GATA4: variants seen among roughly 807,000 people sequenced by gnomAD.
The protein encoded by GATA4 is transcription factor GATA-4.
Under a neutral mutation model 37.9 loss-of-function variants are expected in GATA4, and 7 were observed. That is an observed-to-expected ratio of 0.18 (90% CI 0.11 to 0.35). The LOEUF (loss-of-function observed/expected upper bound fraction) is 0.35, where lower values mean the gene tolerates loss of function less well. Among genes scored for constraint, GATA4 ranks in the 10% least tolerant of loss-of-function variants. GATA4 has a pLI of 1.00. For synonymous variants in GATA4, 372 were observed against 292.6 expected (o/e 1.27, Z -2.77); for missense variants, 647 against 653.0 (o/e 0.99, Z 0.10).
At chr8:11,683,363 C>T (rs768764675) in intron 1 of GATA4, among the ~76,000 whole-genome samples, 2 of 152,172 alleles carry the variant, frequency 1.3e-5, no homozygotes, top group African/African-American at 2.4e-5. Flanking sequence ...TTGCTGATGC[C>T]GGTAAATAGT....
chr8:11,726,721 G>A (rs143664018), intron 2 of GATA4, among the ~76,000 whole-genome samples: 94 of 152,268 alleles, frequency 6.2e-4, no homozygotes, highest in Non-Finnish European at 1.1e-3. Context: ...GGGAGATGAG[G>A]AAGTGGATAG....
chr8:11,686,688 T>C (rs1460088747), intron 1 of GATA4, among the ~76,000 whole-genome samples: 1 of 152,190 alleles, frequency 6.6e-6, no homozygotes, highest in African/African-American at 2.4e-5. Context: ...ACACCCTTGT[T>C]GACTTAATTC....
At chr8:11,757,226 A>C in intron 6 of GATA4, 143 bp downstream of exon 6, 2 of 1,299,200 alleles carry the variant, frequency 1.5e-6, no homozygotes, top group Non-Finnish European at 2.1e-6. Flanking sequence ...AGGAAGACCC[A>C]GCCATTGAGC....
At chr8:11,752,101 T>C (rs1455356166) in intron 4 of GATA4, among the ~76,000 whole-genome samples, 5 of 152,172 alleles carry the variant, frequency 3.3e-5, no homozygotes, top group Non-Finnish European at 1.5e-5. Context: ...GAGAAGAAAC[T>C]TAAAAATAAT....
chr8:11,720,077 G>C (rs1800602401), intron 2 of GATA4, among the ~76,000 whole-genome samples: 1 of 151,778 alleles, frequency 6.6e-6, no homozygotes, highest in Non-Finnish European at 1.5e-5. Context: ...CATTGGTCTG[G>C]CGCGGAGAAA....
rs1241818040 is a variant in GATA4, at chr8:11,758,902, G to C, written c.*427G>C. ...ATCTGTTTGCCATGTACCTGGATGC[G>C]ACGGGCCCCTGGGGACAGGCCCTTG... On this transcript the variant is annotated 3_prime_UTR_variant, in exon 7 of 7. Coordinates refer to ENST00000532059, the MANE Select transcript of GATA4 (RefSeq NM_001308093.3). 3.2e-6 allele frequency: 1 copy of C among 307,942 alleles called. No homozygotes were observed. The highest frequency in any genetic ancestry group is 2.2e-5 in the African/African-American group (1 of 46,200). 19.1% of individuals were successfully genotyped at this position (307,942 alleles called of 1,614,324 possible). A position where few individuals can be genotyped will look rare whatever the true frequency, so the allele number is the denominator to read the frequency against.
chr8:11,685,413 A>T (rs1799104925), intron 1 of GATA4, among the ~76,000 whole-genome samples: 1 of 152,348 alleles, frequency 6.6e-6, no homozygotes, highest in Admixed American at 6.5e-5. Flanking sequence ...AAGCAGAATA[A>T]ACAAATATTT....
chr8:11,682,997 G>C (rs1353910797), intron 1 of GATA4: 2 of 905,478 alleles, frequency 2.2e-6, no homozygotes, highest in Middle Eastern at 5.6e-4. Flanking sequence ...AGAAAGTTCT[G>C]GGAAGAGTCT....
chr8:11,678,740 G>A (rs905863935), intron 1 of GATA4, among the ~76,000 whole-genome samples: 1 of 152,144 alleles, frequency 6.6e-6, no homozygotes, highest in East Asian at 1.9e-4. Context: ...TACAGTAAAG[G>A]ATACTTGAAA....
At chr8:11,681,524 C>G in intron 1 of GATA4, 3 of 917,602 alleles carry the variant, frequency 3.3e-6, no homozygotes, top group Non-Finnish European at 3.9e-6. Flanking sequence ...GTCGGTCCCT[C>G]TCGGGAACGG....
At chr8:11,758,055 C>T (rs1203703049) in intron 6 of GATA4, among the ~76,000 whole-genome samples, 1 of 152,158 alleles carries the variant, frequency 6.6e-6, no homozygotes, top group Admixed American at 6.5e-5. Flanking sequence ...ATCCACAGGG[C>T]CACCGGGTCA....
At chr8:11,728,524 A>G (rs924563544) in intron 2 of GATA4, among the ~76,000 whole-genome samples, 8 of 149,316 alleles carry the variant, frequency 5.4e-5, no homozygotes, top group African/African-American at 2.0e-4. Flanking sequence ...GTGCACCACC[A>G]TACCCAGCTT....
At chr8:11,721,238 G>A (rs1800661671) in intron 2 of GATA4, among the ~76,000 whole-genome samples, 1 of 151,068 alleles carries the variant, frequency 6.6e-6, no homozygotes, top group Non-Finnish European at 1.5e-5. Context: ...GCAGACTTGT[G>A]GCATCCTAAA....
At chr8:11,734,309 A>G (rs1329166807) in intron 2 of GATA4, among the ~76,000 whole-genome samples, 1 of 152,238 alleles carries the variant, frequency 6.6e-6, no homozygotes, top group African/African-American at 2.4e-5. Context: ...GTAACAGAAT[A>G]CCATAGAATG....
chr8:11,683,934 AAAAT>A (rs1439025006), intron 1 of GATA4, among the ~76,000 whole-genome samples: 7 of 152,206 alleles, frequency 4.6e-5, no homozygotes, highest in Admixed American at 1.3e-4. Context: ...TCCCTGGGAG[AAAAT>A]GGTCTTAGCC....
At chr8:11,703,413 C>A (rs1019471745), upstream of GATA4, among the ~76,000 whole-genome samples, 8 of 152,204 alleles carry the variant, frequency 5.3e-5, no homozygotes, top group African/African-American at 1.7e-4. Flanking sequence ...TCCCCCATAC[C>A]CTGGAAGAGC....
At chr8:11,677,873 G>T (rs555675357) in intron 1 of GATA4, among the ~76,000 whole-genome samples, 1 of 152,062 alleles carries the variant, frequency 6.6e-6, no homozygotes, top group East Asian at 1.9e-4. Flanking sequence ...CACTGCGTGC[G>T]TTGCAGAGCT....
At chr8:11,728,942 C>A (rs1801072354) in intron 2 of GATA4, among the ~76,000 whole-genome samples, 1 of 152,162 alleles carries the variant, frequency 6.6e-6, no homozygotes, top group Non-Finnish European at 1.5e-5. Context: ...GTTTAAAGAC[C>A]TAGCTGACGG....
chr8:11,734,903 A>G (rs1801384850), intron 2 of GATA4, among the ~76,000 whole-genome samples: 1 of 152,230 alleles, frequency 6.6e-6, no homozygotes, highest in African/African-American at 2.4e-5. Context: ...TAGGATTGCA[A>G]GATCTAAATT....
Sources: allele counts gnomAD v4.1 joint callset (sites outside exome capture counted in the v4.1 genomes callset), GRCh38; gene constraint gnomAD v4.1.1; transcripts MANE v1.5; gene names NCBI Gene and HGNC (gene_info 2026-07-23, HGNC 2026-07-21).